Variants in PRKACB observed in about 807,000 individuals in gnomAD.
The protein encoded by PRKACB is cAMP-dependent protein kinase catalytic subunit beta.
PRKACB carries 16 observed loss-of-function variants against 51.4 expected under a neutral mutation model. That is an observed-to-expected ratio of 0.31 (90% CI 0.21 to 0.47). The LOEUF (loss-of-function observed/expected upper bound fraction) is 0.47, where lower values mean the gene tolerates loss of function less well. Ranked by LOEUF, PRKACB falls within the 20% of genes least tolerant of loss-of-function variation. The probability of loss-of-function intolerance (pLI) is 1.00; values close to 1 mark genes in which losing one functional copy is unlikely to be tolerated. For missense variants in PRKACB, 309 were observed against 464.5 expected (o/e 0.67, Z 3.08); for synonymous variants, 147 against 154.4 (o/e 0.95, Z 0.35).
chr1:84,175,288 G>A (rs887102917), intron 1 of PRKACB, among the ~76,000 whole-genome samples: 1 of 151,664 alleles, frequency 6.6e-6, no homozygotes, highest in Non-Finnish European at 1.5e-5. Flanking sequence ...GTAGCACCAT[G>A]AAACAGTAGA....
upstream of PRKACB, among the ~76,000 whole-genome samples, chr1:84,142,786 A>G (rs1027793522): frequency 6.6e-6 from 1 of 152,226 alleles, no homozygotes; most frequent in Admixed American, 6.5e-5. Flanking sequence ...GTATACACAA[A>G]TGAACTGTTA....
chr1:84,128,666 G>T (rs1174503220), intron 1 of PRKACB, among the ~76,000 whole-genome samples: 2 of 152,022 alleles, frequency 1.3e-5, no homozygotes, highest in African/African-American at 4.8e-5. Flanking sequence ...TCTCTTAGTT[G>T]AGCCATACAC....
At chr1:84,166,929 T>G (rs1450049928) in intron 1 of PRKACB, among the ~76,000 whole-genome samples, 1 of 151,644 alleles carries the variant, frequency 6.6e-6, no homozygotes, top group Non-Finnish European at 1.5e-5. Flanking sequence ...GGATTTTCTT[T>G]TATCATCCCT....
At chr1:84,096,540 A>C (rs1648938264) in intron 1 of PRKACB, among the ~76,000 whole-genome samples, 1 of 152,130 alleles carries the variant, frequency 6.6e-6, no homozygotes, top group Admixed American at 6.6e-5. Flanking sequence ...AAATGCCCTG[A>C]GGGCAAAAGC....
intron 9 of PRKACB, among the ~76,000 whole-genome samples, chr1:84,217,836 C>T (rs1468537665): frequency 4.6e-5 from 7 of 152,058 alleles, no homozygotes; most frequent in Non-Finnish European, 8.8e-5. Context: ...GTGTATCTAT[C>T]GAACTTCTAT....
At chr1:84,133,105 AAG>A (rs148712578) in intron 1 of PRKACB, among the ~76,000 whole-genome samples, 2,026 of 152,236 alleles carry the variant, frequency 0.013, 51 homozygotes, top group African/African-American at 0.046. Context: ...ACCAAAAACT[AAG>A]AGAAAATCTT....
chr1:84,196,545 T>C (rs1045695636), intron 5 of PRKACB, 71 bp from the exon 6 acceptor site: 2 of 1,472,498 alleles, frequency 1.4e-6, no homozygotes, highest in Middle Eastern at 3.6e-4. Context: ...TATTAGTTTT[T>C]ATGCATAATC....
At chr1:84,190,057 G>C (rs2101087197) in intron 5 of PRKACB, among the ~76,000 whole-genome samples, 1 of 151,220 alleles carries the variant, frequency 6.6e-6, no homozygotes, top group Non-Finnish European at 1.5e-5. Context: ...TCCGTTTTTG[G>C]AACAGCCAAT....
At chr1:84,109,563 A>G (rs1483270740) in intron 1 of PRKACB, among the ~76,000 whole-genome samples, 1 of 151,886 alleles carries the variant, frequency 6.6e-6, no homozygotes, top group African/African-American at 2.4e-5. Context: ...ATTTACACTA[A>G]TAGGTTTGTA....
intron 1 of PRKACB, among the ~76,000 whole-genome samples, chr1:84,080,344 C>G (rs1363524383): frequency 6.6e-6 from 1 of 152,152 alleles, no homozygotes; most frequent in Non-Finnish European, 1.5e-5. Flanking sequence ...AAATGTTTAT[C>G]TGAACATATT....
At chr1:84,109,352 G>A (rs947418185) in intron 1 of PRKACB, among the ~76,000 whole-genome samples, 1 of 151,774 alleles carries the variant, frequency 6.6e-6, no homozygotes, top group Non-Finnish European at 1.5e-5. Context: ...TTGCATGAGG[G>A]TTCTCATTAT....
At chr1:84,197,893 A>T in intron 7 of PRKACB, 69 bp downstream of exon 7, 1 of 1,089,282 alleles carries the variant, frequency 9.2e-7, no homozygotes. Context: ...CTTTTGTAAA[A>T]ACAGTTTATT....
intron 9 of PRKACB, among the ~76,000 whole-genome samples, chr1:84,216,634 A>G (rs138051684): frequency 7.1e-4 from 108 of 152,332 alleles, no homozygotes; most frequent in African/African-American, 2.5e-3. Context: ...CCAATGCAAT[A>G]CTGTATAATT....
In PRKACB at chr1:84,147,416, C is replaced by T. The variant is rs1429656097; in HGVS notation, c.187+2868C>T. On this transcript the variant is annotated intron_variant, in intron 1 of 9. Coordinates refer to ENST00000370685, the MANE Select transcript of PRKACB (RefSeq NM_182948.4). Reference sequence around the variant, plus strand: ...TCATTTTAACTTCTCAGCTAAAAGACTTTCCACCTTTGTCTTTTTATCAGC... The same window carrying T: ...TCATTTTAACTTCTCAGCTAAAAGATTTTCCACCTTTGTCTTTTTATCAGC... Among the ~76,000 whole-genome samples the T allele has an allele frequency of 3.9e-5, 6 of 152,152 alleles. No homozygotes were observed. The East Asian group carries it at 9.6e-4, about 24-fold the overall frequency.
chr1:84,188,565 A>G (rs147810995), intron 5 of PRKACB, among the ~76,000 whole-genome samples: 97 of 151,680 alleles, frequency 6.4e-4, no homozygotes, highest in Non-Finnish European at 1.3e-4. Context: ...TTTTAAGACA[A>G]TAACCAGAAT....
intron 1 of PRKACB, among the ~76,000 whole-genome samples, chr1:84,100,002 A>T (rs1226352504): frequency 6.6e-6 from 1 of 152,120 alleles, no homozygotes; most frequent in Non-Finnish European, 1.5e-5. Flanking sequence ...GGAACTTTAT[A>T]TTTGTCCATT....
chr1:84,103,194 CA>C (rs1039354172), intron 1 of PRKACB, among the ~76,000 whole-genome samples: 1 of 152,176 alleles, frequency 6.6e-6, no homozygotes, highest in African/African-American at 2.4e-5. Context: ...AATTCTTAAC[CA>C]CCCTTTTCAT....
intron 5 of PRKACB, among the ~76,000 whole-genome samples, chr1:84,185,516 C>T (rs1664828233): frequency 6.6e-6 from 1 of 151,276 alleles, no homozygotes; most frequent in Non-Finnish European, 1.5e-5. Flanking sequence ...TAATACAACT[C>T]CAGGACAGAG....
chr1:84,093,005 G>A (rs1291503029), intron 1 of PRKACB, among the ~76,000 whole-genome samples: 2 of 151,540 alleles, frequency 1.3e-5, no homozygotes, highest in South Asian at 2.1e-4. Context: ...CCAGACGTAT[G>A]TACTACAAAT....
Sources: allele counts gnomAD v4.1 joint callset (sites outside exome capture counted in the v4.1 genomes callset), GRCh38; gene constraint gnomAD v4.1.1; transcripts MANE v1.5; gene names NCBI Gene and HGNC (gene_info 2026-07-23, HGNC 2026-07-21).